The following NPSR1 variants were observed in gnomAD, a reference collection of about 807,000 sequenced individuals.
NPSR1 encodes neuropeptide S receptor.
NPSR1 carries 48 observed loss-of-function variants against 46.9 expected under a neutral mutation model. That is an observed-to-expected ratio of 1.02 (90% CI 0.81 to 1.30). The LOEUF is 1.30. Among genes scored for constraint, NPSR1 ranks in the 50% most tolerant of loss-of-function variants. The pLI, the probability that NPSR1 is intolerant of heterozygous loss-of-function variation, is 0.00. For missense variants in NPSR1, 450 were observed against 449.5 expected (o/e 1.00, Z -0.01); for synonymous variants, 176 against 168.1 (o/e 1.05, Z -0.36).
At chr7:34,833,181 A>T (rs910746321) in intron 5 of NPSR1, among the ~76,000 whole-genome samples, 1 of 152,230 alleles carries the variant, frequency 6.6e-6, no homozygotes, top group East Asian at 1.9e-4. Flanking sequence ...CTGATTTTTT[A>T]AAATAATTCT....
chr7:34,759,365 T>C (rs988131269), intron 2 of NPSR1, among the ~76,000 whole-genome samples: 35 of 152,210 alleles, frequency 2.3e-4, no homozygotes, highest in African/African-American at 8.0e-4. Flanking sequence ...TTCTCTCCCA[T>C]TTTTAAATTT....
At chr7:34,660,033 T>A (rs985334001) in intron 1 of NPSR1, 1 of 444,030 alleles carries the variant, frequency 2.3e-6, no homozygotes, top group Non-Finnish European at 4.6e-6. Context: ...TTTGCCATTT[T>A]TTGAATATAG....
At chr7:34,672,469 A>G (rs1792106645) in intron 1 of NPSR1, among the ~76,000 whole-genome samples, 1 of 152,136 alleles carries the variant, frequency 6.6e-6, no homozygotes, top group South Asian at 2.1e-4. Flanking sequence ...AAAGTAACGC[A>G]AGTGCAGTCC....
chr7:34,796,969 C>T (rs1456059706), intron 3 of NPSR1, among the ~76,000 whole-genome samples: 1 of 152,158 alleles, frequency 6.6e-6, no homozygotes, highest in Non-Finnish European at 1.5e-5. Context: ...GTGGTACATC[C>T]ATACAATGAA....
intron 2 of NPSR1, among the ~76,000 whole-genome samples, chr7:34,745,581 T>C (rs1328614731): frequency 1.3e-5 from 2 of 152,204 alleles, no homozygotes; most frequent in Non-Finnish European, 2.9e-5. Context: ...TGCACTGGCA[T>C]GATCACAGCT....
intron 1 of NPSR1, among the ~76,000 whole-genome samples, chr7:34,674,443 C>T (rs191796781): frequency 2.0e-5 from 3 of 152,266 alleles, no homozygotes; most frequent in Non-Finnish European, 2.9e-5. Flanking sequence ...TGCCAACTCA[C>T]CTAAGCAAAT....
intron 6 of NPSR1, 109 bp from the exon 7 acceptor site, chr7:34,844,787 C>A (rs956854829): frequency 6.6e-6 from 5 of 761,020 alleles, no homozygotes; most frequent in South Asian, 1.5e-5. Flanking sequence ...CATAAATGCA[C>A]AGGATATAAG....
intron 2 of NPSR1, chr7:34,703,945 C>A (rs1401143875): frequency 6.6e-6 from 1 of 152,232 alleles, no homozygotes; most frequent in Non-Finnish European, 1.5e-5. Flanking sequence ...ACATTCAAAT[C>A]ATTTCCTTTT....
In NPSR1 at chr7:34,771,988, T is replaced by C. The variant is rs182078233; in HGVS notation, c.281-6474T>C. 4.1e-3 allele frequency among the ~76,000 whole-genome samples: 624 copies of C among 152,322 alleles called. 3 individuals are homozygous for C. Among genetic ancestry groups the C allele is most frequent in the African/African-American group, 0.014 (586 of 41,570 alleles). On this transcript the variant is annotated intron_variant, in intron 2 of 8. Transcript: ENST00000360581. Reference sequence around the variant, plus strand: ...GAAGTCTACCTAGAGTTATGTAGGATGTCACCATTGGGGGATGCTTTGCGG... The same window carrying C: ...GAAGTCTACCTAGAGTTATGTAGGACGTCACCATTGGGGGATGCTTTGCGG...
At chr7:34,809,664 C>A (rs1278864549) in intron 3 of NPSR1, among the ~76,000 whole-genome samples, 1 of 151,928 alleles carries the variant, frequency 6.6e-6, no homozygotes, top group Non-Finnish European at 1.5e-5. Flanking sequence ...GGGGTTTCAC[C>A]GTTTTAGCCG....
chr7:34,751,379 G>A (rs1489670970), intron 2 of NPSR1: 6 of 1,028,484 alleles, frequency 5.8e-6, no homozygotes, highest in Middle Eastern at 4.0e-4. Flanking sequence ...TTGCTATAGA[G>A]GCCTGAGTTG....
At chr7:34,689,160 C>G (rs1793091169) in intron 2 of NPSR1, among the ~76,000 whole-genome samples, 1 of 152,180 alleles carries the variant, frequency 6.6e-6, no homozygotes, top group Non-Finnish European at 1.5e-5. Flanking sequence ...GAGCTCAGAC[C>G]ACTGTGCATT....
intron 2 of NPSR1, among the ~76,000 whole-genome samples, chr7:34,749,996 A>G (rs1198840111): frequency 6.6e-6 from 1 of 152,088 alleles, no homozygotes; most frequent in Non-Finnish European, 1.5e-5. Context: ...TTTTTTTTTA[A>G]GTATATAAAA....
chr7:34,856,258 T>C (rs1335326083), intron 8 of NPSR1, among the ~76,000 whole-genome samples: 1 of 150,602 alleles, frequency 6.6e-6, no homozygotes, highest in African/African-American at 2.5e-5. Context: ...CAAAATAATA[T>C]ACAGATAAAT....
At chr7:34,782,293 C>A (rs193248094) in intron 3 of NPSR1, among the ~76,000 whole-genome samples, 165 of 152,274 alleles carry the variant, frequency 1.1e-3, no homozygotes, top group African/African-American at 3.8e-3. Context: ...ACCCATCAGA[C>A]ACTGGTGATA....
chr7:34,830,768 C>T (rs961106072), intron 5 of NPSR1, among the ~76,000 whole-genome samples: 3 of 152,282 alleles, frequency 2.0e-5, no homozygotes, highest in Admixed American at 6.5e-5. Context: ...ACTTATTGCC[C>T]AGCTTCGTAT....
downstream of NPSR1, among the ~76,000 whole-genome samples, chr7:34,854,475 G>A (rs1791008978): frequency 6.6e-6 from 1 of 152,156 alleles, no homozygotes; most frequent in South Asian, 2.1e-4. Flanking sequence ...GATCAAGGTA[G>A]TCCATGGAAA....
At chr7:34,799,027 A>C (rs1476235412) in intron 3 of NPSR1, among the ~76,000 whole-genome samples, 1 of 152,162 alleles carries the variant, frequency 6.6e-6, no homozygotes, top group African/African-American at 2.4e-5. Context: ...TTAATAAACT[A>C]ATCTTAGGCC....
chr7:34,766,920 A>G (rs960028283), intron 2 of NPSR1, among the ~76,000 whole-genome samples: 2 of 152,196 alleles, frequency 1.3e-5, no homozygotes, highest in African/African-American at 4.8e-5. Context: ...ATATTTTGTA[A>G]TTCCATTTAC....
Sources: gnomAD v4.1 joint callset for allele counts (sites outside exome capture counted in the v4.1 genomes callset) on GRCh38, gnomAD v4.1.1 for gene constraint, MANE v1.5 for transcripts, NCBI Gene and HGNC (gene_info 2026-07-23, HGNC 2026-07-21) for gene names.